The following GABRG3 variants were observed in gnomAD, a reference collection of about 807,000 sequenced individuals.
The protein encoded by GABRG3 is gamma-aminobutyric acid type A receptor subunit gamma3, also known as gamma-aminobutyric acid receptor subunit gamma-3.
Under a neutral mutation model 48.8 loss-of-function variants are expected in GABRG3, and 25 were observed. The observed-to-expected ratio is 0.51, with a 90% confidence interval of 0.37 to 0.72. The LOEUF (loss-of-function observed/expected upper bound fraction) is 0.72. Ranked by LOEUF, GABRG3 falls within the 30% of genes least tolerant of loss-of-function variation. The pLI, the probability that GABRG3 is intolerant of heterozygous loss-of-function variation, is 0.00. For synonymous variants in GABRG3, 227 were observed against 217.6 expected (o/e 1.04, Z -0.38); for missense variants, 394 against 577.9 (o/e 0.68, Z 3.26).
At chr15:27,036,415 G>A (rs182489292) in intron 3 of GABRG3, among the ~76,000 whole-genome samples, 152 of 152,312 alleles carry the variant, frequency 1.0e-3, no homozygotes, top group African/African-American at 3.4e-3. Flanking sequence ...GATGCCGGCC[G>A]GGCGCGGTGG....
At chr15:27,488,239 C>A (rs1388034730) in intron 6 of GABRG3, among the ~76,000 whole-genome samples, 1 of 152,190 alleles carries the variant, frequency 6.6e-6, no homozygotes, top group African/African-American at 2.4e-5. Context: ...AGGAGCCGCT[C>A]CCACGTCCCT....
rs1213904119 is a variant in GABRG3 at position 27,388,292 on chromosome 15, AAAAG to A, written c.574+59407_574+59410del. Among the ~76,000 whole-genome samples, 15 of 30,006 alleles carry A rather than the reference AAAAG, an allele frequency of 5.0e-4. 2 individuals carry two copies. Among genetic ancestry groups the A allele is most frequent in the African/African-American group, 2.1e-3 (14 of 6,822 alleles). The allele number at this position is 30,006 out of a possible 152,430, so 19.7% of individuals were successfully genotyped here. A position where few individuals can be genotyped will look rare whatever the true frequency, so the allele number is the denominator to read the frequency against. On this transcript the variant is annotated intron_variant, in intron 5 of 9. Coordinates refer to ENST00000615808, the MANE Select transcript of GABRG3 (RefSeq NM_033223.5). ...GAGGGAGGGTAAGGAAGGAAGGAAGAAAAGAAGGAAGGAAAGGGAGGGAGGGAAA... is the reference window on the plus strand; with the variant it reads ...GAGGGAGGGTAAGGAAGGAAGGAAGAAAGGAAGGAAAGGGAGGGAGGGAAA...
intron 2 of GABRG3, among the ~76,000 whole-genome samples, chr15:27,004,759 C>A (rs1895550165): frequency 6.6e-6 from 1 of 152,160 alleles, no homozygotes. Context: ...TTATGATAAA[C>A]AACACCAATG....
chr15:27,306,995 T>TATATAAACATACATA, intron 3 of GABRG3, among the ~76,000 whole-genome samples: 1 of 111,048 alleles, frequency 9.0e-6, no homozygotes, highest in African/African-American at 4.3e-5. Flanking sequence ...AACATGTTTA[T>TATATAAACATACATA]ATATAAACAT....
At chr15:27,090,712 T>C (rs1897170608) in intron 3 of GABRG3, among the ~76,000 whole-genome samples, 1 of 152,250 alleles carries the variant, frequency 6.6e-6, no homozygotes, top group Admixed American at 6.5e-5. Context: ...CTTGTACTTC[T>C]TTGGCTAAAA....
intron 3 of GABRG3, among the ~76,000 whole-genome samples, chr15:27,062,750 G>A (rs1490359283): frequency 6.6e-6 from 1 of 152,130 alleles, no homozygotes; most frequent in Non-Finnish European, 1.5e-5. Context: ...TCATGTGCAG[G>A]TGCCACAAGG....
At chr15:27,090,325 T>C (rs565433441) in intron 3 of GABRG3, among the ~76,000 whole-genome samples, 222 of 152,376 alleles carry the variant, frequency 1.5e-3, no homozygotes, top group Non-Finnish European at 2.4e-3. Context: ...ATTAAATGCA[T>C]ATTTTACTTA....
chr15:27,174,959 G>A (rs930137985), intron 3 of GABRG3, among the ~76,000 whole-genome samples: 7 of 152,118 alleles, frequency 4.6e-5, no homozygotes, highest in African/African-American at 1.4e-4. Context: ...CTGTTAGGTC[G>A]TCACAGTTTC....
In GABRG3 at chr15:27,538,359, C is replaced by T. The variant is rs952116433; in HGVS notation, c.*5478C>T. On this transcript the variant is annotated 3_prime_UTR_variant, in exon 10 of 10. Transcript: ENST00000615808. The stretch of plus-strand genomic sequence containing the variant: ...AGTGGGCTTTTCAGATTAGGTTATT[C>T]AAGAGCATGAGCTAGAAAATAATTA... 6.6e-6 allele frequency: 1 copy of T among 152,198 alleles called. No homozygotes were observed. Among genetic ancestry groups the T allele is most frequent in the African/African-American group, 2.4e-5 (1 of 41,440 alleles). 9.4% of individuals were successfully genotyped at this position (152,198 alleles called of 1,614,324 possible).
At chr15:27,041,539 C>A (rs1200560245) in intron 3 of GABRG3, among the ~76,000 whole-genome samples, 3 of 152,208 alleles carry the variant, frequency 2.0e-5, no homozygotes, top group African/African-American at 7.2e-5. Flanking sequence ...TCCTAGATCT[C>A]ATGGTGTGGC....
At chr15:26,980,849 GA>G (rs1895041486) in intron 2 of GABRG3, among the ~76,000 whole-genome samples, 1 of 151,780 alleles carries the variant, frequency 6.6e-6, no homozygotes, top group South Asian at 2.1e-4. Context: ...TTTCCCTTGA[GA>G]TTTTTTTCTT....
intron 3 of GABRG3, among the ~76,000 whole-genome samples, chr15:27,152,713 C>A: frequency 6.6e-6 from 1 of 151,064 alleles, no homozygotes; most frequent in Non-Finnish European, 1.5e-5. Flanking sequence ...GGATTTTTTA[C>A]AACATGAAAA....
At chr15:27,004,107 CGGCT>C (rs1895527635) in intron 2 of GABRG3, among the ~76,000 whole-genome samples, 2 of 147,176 alleles carry the variant, frequency 1.4e-5, no homozygotes, top group African/African-American at 2.6e-5. Context: ...CCGGACGGGG[CGGCT>C]GGCCGGGCGG....
At chr15:27,055,924 TAATA>T (rs1266430401) in intron 3 of GABRG3, among the ~76,000 whole-genome samples, 2 of 152,190 alleles carry the variant, frequency 1.3e-5, no homozygotes, top group African/African-American at 4.8e-5. Flanking sequence ...AATTGGCAAA[TAATA>T]AATGCACATA....
intron 5 of GABRG3, among the ~76,000 whole-genome samples, chr15:27,476,776 A>G (rs1244644436): frequency 2.6e-5 from 4 of 152,234 alleles, no homozygotes; most frequent in Admixed American, 2.6e-4. Flanking sequence ...TTGAAAAAAT[A>G]GTGGCCAAAA....
At chr15:27,514,967 T>A (rs565635220) in intron 6 of GABRG3, among the ~76,000 whole-genome samples, 1 of 151,988 alleles carries the variant, frequency 6.6e-6, no homozygotes, top group Non-Finnish European at 1.5e-5. Flanking sequence ...AACTTAATGG[T>A]CCTGGGTTAT....
intron 3 of GABRG3, among the ~76,000 whole-genome samples, chr15:27,265,437 A>T: frequency 6.6e-6 from 1 of 152,230 alleles, no homozygotes; most frequent in East Asian, 1.9e-4. Context: ...TTATCTAAAT[A>T]CTCATTTTTC....
At chr15:27,415,581 C>CCA (rs1282892895) in intron 5 of GABRG3, among the ~76,000 whole-genome samples, 1 of 152,086 alleles carries the variant, frequency 6.6e-6, no homozygotes, top group East Asian at 1.9e-4. Flanking sequence ...GATGAATGCG[C>CCA]CACCATCTCA....
chr15:27,371,751 C>G (rs574635276), intron 5 of GABRG3, among the ~76,000 whole-genome samples: 1 of 152,246 alleles, frequency 6.6e-6, no homozygotes, highest in East Asian at 1.9e-4. Context: ...TCTGTGCAAA[C>G]AATTATAATG....
Sources: gnomAD v4.1 joint callset for allele counts (sites outside exome capture counted in the v4.1 genomes callset) on GRCh38, gnomAD v4.1.1 for gene constraint, MANE v1.5 for transcripts, NCBI Gene and HGNC (gene_info 2026-07-23, HGNC 2026-07-21) for gene names.